The following SYCP1 variants were observed in gnomAD, a reference collection of about 807,000 sequenced individuals.
SYCP1 encodes the protein cancer/testis antigen 8.
Under a neutral mutation model 153.1 loss-of-function variants are expected in SYCP1, and 64 were observed. The observed-to-expected ratio is 0.42, with a 90% CI of 0.34 to 0.51. The LOEUF is 0.51. Ranked by LOEUF, SYCP1 falls within the 20% of genes least tolerant of loss-of-function variation. SYCP1 has a pLI of 0.06. For synonymous variants in SYCP1, 384 were observed against 341.8 expected, an observed-to-expected ratio of 1.12 and a Z score of -1.36; for missense variants, 997 against 1,049.0, an observed-to-expected ratio of 0.95 and a Z score of 0.68.
chr1:114,893,697 ATTC>A (rs1302066227), intron 15 of SYCP1, among the ~76,000 whole-genome samples: 6 of 152,080 alleles, frequency 3.9e-5, no homozygotes, highest in Admixed American at 6.5e-5. Flanking sequence ...AAGTATAAGT[ATTC>A]TTCTTTTCCC....
chr1:114,882,768 A>G (rs1666044086), intron 12 of SYCP1, among the ~76,000 whole-genome samples: 1 of 152,178 alleles, frequency 6.6e-6, no homozygotes, highest in South Asian at 2.1e-4. Flanking sequence ...CATGCACATG[A>G]TATTTCTATC....
At chr1:114,863,405 T>G (rs111315271) in intron 8 of SYCP1, among the ~76,000 whole-genome samples, 2 of 152,110 alleles carry the variant, frequency 1.3e-5, no homozygotes, top group Non-Finnish European at 1.5e-5. Flanking sequence ...ACAAAAAAAT[T>G]AGCTGGGCAT....
Position 114,994,911 on chromosome 1 carries a change from T to C in SYCP1, c.2823T>C (p.Ser941=). 6.2e-7 allele frequency: 1 copy of C among 1,607,546 alleles called. No individual in the cohort carries two copies. The highest frequency in any genetic ancestry group is 8.5e-7 in the Non-Finnish European group (1 of 1,176,652). Residue 941 remains serine (S), a synonymous_variant, in exon 32 of 32, where the codon TCT becomes TCC. Transcript: ENST00000369522. The part of the protein sequence containing the change: ...KAPSSLTTPG[S]TLKFGAIRKM... ...CTTCATCTCTAACAACCCCTGGATCTACACTGAAGTTTGGAGCTATAAGAA... is the reference window on the plus strand; with the variant it reads ...CTTCATCTCTAACAACCCCTGGATCCACACTGAAGTTTGGAGCTATAAGAA...
chr1:114,990,904 C>T (rs1673870097), intron 30 of SYCP1, among the ~76,000 whole-genome samples: 1 of 151,896 alleles, frequency 6.6e-6, no homozygotes, highest in South Asian at 2.1e-4. Flanking sequence ...TTCTGGATAA[C>T]TGAACACAGG....
At chr1:114,919,949 C>T (rs1159702275) in intron 20 of SYCP1, among the ~76,000 whole-genome samples, 2 of 151,890 alleles carry the variant, frequency 1.3e-5, no homozygotes, top group African/African-American at 4.8e-5. Flanking sequence ...AAAAAACCAA[C>T]TTTTTGTTTT....
chr1:114,964,779 GT>G (rs1434671797), intron 27 of SYCP1, among the ~76,000 whole-genome samples: 1 of 152,202 alleles, frequency 6.6e-6, no homozygotes, highest in Non-Finnish European at 1.5e-5. Flanking sequence ...TTGTAGTATA[GT>G]TTGAAGTCAC....
chr1:114,945,024 G>T, intron 25 of SYCP1, 42 bp downstream of exon 25: 1 of 1,347,568 alleles, frequency 7.4e-7, no homozygotes, highest in Non-Finnish European at 1.0e-6. Context: ...ATTAATTGGA[G>T]CCATATTTCT....
intron 7 of SYCP1, 100 bp from the exon 8 acceptor site, chr1:114,860,636 A>C: frequency 1.3e-6 from 1 of 746,888 alleles, no homozygotes; most frequent in Non-Finnish European, 2.1e-6. Flanking sequence ...AATATTTTAA[A>C]AATTTCTTAA....
intron 8 of SYCP1, among the ~76,000 whole-genome samples, chr1:114,861,051 G>A (rs1256854036): frequency 2.0e-5 from 3 of 152,034 alleles, no homozygotes; most frequent in African/African-American, 7.2e-5. Flanking sequence ...AGTTAATCCT[G>A]GTTTCAAGTA....
Position 114,947,305 on chromosome 1 carries a change from A to T in SYCP1, c.2307A>T (p.Ile769=). Residue 769 remains isoleucine (I), a synonymous_variant, in exon 27 of 32, where the codon ATA becomes ATT. Transcript: ENST00000369522. ...TGTCTGTTAAGAAGCAACTTGAAAT[A>T]GAAAGAGAAGAGAAGGTAGGTTTTT... ...ELLSVKKQLE[I]EREEKEKLKR... is the part of the protein sequence containing the mutation. 6.2e-7 allele frequency: 1 copy of T among 1,612,982 alleles called. No homozygotes were observed. The highest frequency in any genetic ancestry group is 8.5e-7 in the Non-Finnish European group (1 of 1,179,468).
chr1:114,907,201 T>TA (rs1209696527), intron 16 of SYCP1, among the ~76,000 whole-genome samples: 1 of 152,228 alleles, frequency 6.6e-6, no homozygotes, highest in Non-Finnish European at 1.5e-5. Flanking sequence ...TTTGACTTTA[T>TA]ATTTGTACAT....
intron 12 of SYCP1, among the ~76,000 whole-genome samples, chr1:114,883,439 T>C (rs1282471625): frequency 2.0e-5 from 3 of 152,198 alleles, no homozygotes; most frequent in Non-Finnish European, 2.9e-5. Flanking sequence ...TGTTTGTTGA[T>C]TGTGAGGTCA....
At chr1:114,893,337 T>C (rs1489529438) in intron 15 of SYCP1, among the ~76,000 whole-genome samples, 1 of 152,192 alleles carries the variant, frequency 6.6e-6, no homozygotes, top group Non-Finnish European at 1.5e-5. Flanking sequence ...TCTCTATCTT[T>C]ATCTGTATCT....
At chr1:114,938,949 A>C (rs556464611) in intron 23 of SYCP1, among the ~76,000 whole-genome samples, 3 of 152,292 alleles carry the variant, frequency 2.0e-5, no homozygotes, top group Middle Eastern at 3.4e-3. Flanking sequence ...ATTCTCGAGC[A>C]CTGTTGATGG....
chr1:114,860,661 TA>T, intron 7 of SYCP1, 74 bp from the exon 8 acceptor site: 1 of 918,468 alleles, frequency 1.1e-6, no homozygotes, highest in Non-Finnish European at 1.6e-6. Context: ...TGTAACAATA[TA>T]TTTCATAACT....
intron 23 of SYCP1, among the ~76,000 whole-genome samples, chr1:114,928,245 T>G (rs572855145): frequency 9.2e-5 from 14 of 152,230 alleles, no homozygotes; most frequent in African/African-American, 3.4e-4. Flanking sequence ...GGCAGTCATA[T>G]CTTAGTCAAA....
chr1:114,984,603 A>G (rs1673375699), intron 29 of SYCP1, 122 bp from the exon 30 acceptor site: 4 of 774,414 alleles, frequency 5.2e-6, no homozygotes, highest in African/African-American at 3.7e-5. Flanking sequence ...ATACTTGCCA[A>G]TAATAATGGA....
chr1:114,932,966 G>T (rs932228822), intron 23 of SYCP1, among the ~76,000 whole-genome samples: 7 of 152,210 alleles, frequency 4.6e-5, no homozygotes, highest in Non-Finnish European at 7.3e-5. Flanking sequence ...TCCACCTCTG[G>T]GGGCAGGGCG....
At chr1:114,955,580 T>C (rs1671382209) in intron 27 of SYCP1, among the ~76,000 whole-genome samples, 1 of 152,214 alleles carries the variant, frequency 6.6e-6, no homozygotes, top group Non-Finnish European at 1.5e-5. Flanking sequence ...ATTTCTGTAA[T>C]GGTTAATTAG....
Sources: allele counts gnomAD v4.1 joint callset (sites outside exome capture counted in the v4.1 genomes callset), GRCh38; gene constraint gnomAD v4.1.1; transcripts MANE v1.5; gene names NCBI Gene and HGNC (gene_info 2026-07-23, HGNC 2026-07-21).